Variants in CSMD1 observed in about 807,000 individuals in gnomAD.
CSMD1 encodes CUB and Sushi multiple domains 1.
A neutral mutation model predicts 417.5 loss-of-function variants in CSMD1; 213 were observed. That is an observed-to-expected ratio of 0.51 (90% CI 0.46 to 0.57). The LOEUF (loss-of-function observed/expected upper bound fraction) is 0.57, where lower values mean the gene tolerates loss of function less well. Ranked by LOEUF, CSMD1 falls within the 20% of genes least tolerant of loss-of-function variation. The pLI is 0.00. For missense variants in CSMD1, 6,923 were observed against 4,529.7 expected, an observed-to-expected ratio of 1.53 and a Z score of -15.17; for synonymous variants, 2,862 against 1,736.8, an observed-to-expected ratio of 1.65 and a Z score of -16.11.
chr8:3,955,470 T>C (rs1811879625), intron 5 of CSMD1, among the ~76,000 whole-genome samples: 1 of 152,198 alleles, frequency 6.6e-6, no homozygotes, highest in African/African-American at 2.4e-5. Context: ...AGTAGAATTT[T>C]GTACTGATAT....
intron 25 of CSMD1, among the ~76,000 whole-genome samples, chr8:3,297,750 A>G (rs1220249426): frequency 6.6e-6 from 1 of 152,306 alleles, no homozygotes; most frequent in African/African-American, 2.4e-5. Flanking sequence ...GGGAGGAGCT[A>G]GCAATCTGGA....
chr8:3,797,927 G>C (rs1046853930), intron 5 of CSMD1, among the ~76,000 whole-genome samples: 8 of 151,992 alleles, frequency 5.3e-5, no homozygotes, highest in Non-Finnish European at 7.4e-5. Context: ...ATATTGTCAA[G>C]TTTTGTAATT....
intron 3 of CSMD1, among the ~76,000 whole-genome samples, chr8:4,107,717 C>G (rs1008948599): frequency 1.3e-5 from 2 of 152,122 alleles, no homozygotes; most frequent in African/African-American, 4.8e-5. Flanking sequence ...CACGCTCCAT[C>G]AGATGCTGTG....
intron 1 of CSMD1, among the ~76,000 whole-genome samples, chr8:4,726,509 G>A (rs904208851): frequency 2.0e-5 from 3 of 152,006 alleles, no homozygotes; most frequent in Admixed American, 6.6e-5. Flanking sequence ...GACCTCAATG[G>A]ACAGGGCTTT....
chr8:3,766,651 A>G (rs1798287082), intron 5 of CSMD1, among the ~76,000 whole-genome samples: 1 of 152,150 alleles, frequency 6.6e-6, no homozygotes, highest in Non-Finnish European at 1.5e-5. Context: ...ATACTCAAAG[A>G]CTGATAATAA....
intron 5 of CSMD1, among the ~76,000 whole-genome samples, chr8:3,840,643 G>C (rs528913001): frequency 1.2e-4 from 18 of 151,372 alleles, no homozygotes; most frequent in South Asian, 2.1e-4. Context: ...GCACTTGCTA[G>C]TGTATAGGAT....
intron 41 of CSMD1, among the ~76,000 whole-genome samples, chr8:3,129,153 C>A (rs1447226134): frequency 1.3e-5 from 2 of 152,102 alleles, no homozygotes; most frequent in African/African-American, 4.8e-5. Flanking sequence ...GGGTTCTCTC[C>A]TACGTGGGAA....
intron 3 of CSMD1, among the ~76,000 whole-genome samples, chr8:4,040,085 T>C (rs1374243437): frequency 2.0e-5 from 3 of 152,222 alleles, no homozygotes; most frequent in Admixed American, 6.5e-5. Context: ...ATTTTCAAAG[T>C]ATACAGAGAT....
chr8:4,215,779 G>C (rs1013691786), intron 3 of CSMD1, among the ~76,000 whole-genome samples: 1 of 151,896 alleles, frequency 6.6e-6, no homozygotes, highest in Non-Finnish European at 1.5e-5. Flanking sequence ...TGTTTTCTTG[G>C]TGGAATATCT....
chr8:3,561,965 A>G (rs1255111893), intron 10 of CSMD1, among the ~76,000 whole-genome samples: 2 of 152,160 alleles, frequency 1.3e-5, no homozygotes, highest in East Asian at 1.9e-4. Flanking sequence ...GCCTGTGTGC[A>G]CTGCAGGGCT....
At chr8:3,706,629 C>G (rs1345381346) in intron 7 of CSMD1, among the ~76,000 whole-genome samples, 1 of 152,192 alleles carries the variant, frequency 6.6e-6, no homozygotes, top group Non-Finnish European at 1.5e-5. Flanking sequence ...CTGCCTCAAT[C>G]TTACAGTAGC....
intron 5 of CSMD1, among the ~76,000 whole-genome samples, chr8:3,912,835 T>C (rs370205227): frequency 5.3e-5 from 8 of 152,174 alleles, no homozygotes; most frequent in African/African-American, 1.9e-4. Flanking sequence ...TTAAATTATA[T>C]TCTGTTGAGA....
intron 12 of CSMD1, among the ~76,000 whole-genome samples, chr8:3,459,972 C>T (rs1043334151): frequency 6.6e-6 from 1 of 152,172 alleles, no homozygotes; most frequent in Non-Finnish European, 1.5e-5. Context: ...CTAAGACACT[C>T]ACTCACATTT....
intron 3 of CSMD1, among the ~76,000 whole-genome samples, chr8:4,415,574 G>C (rs1415716596): frequency 6.6e-6 from 1 of 152,150 alleles, no homozygotes; most frequent in Admixed American, 6.5e-5. Context: ...AATTACACCA[G>C]TGTTCTGTTT....
intron 12 of CSMD1, among the ~76,000 whole-genome samples, chr8:3,431,757 C>G (rs1403131872): frequency 1.3e-5 from 2 of 152,150 alleles, no homozygotes; most frequent in Non-Finnish European, 2.9e-5. Flanking sequence ...ACAACGATAA[C>G]TTGTTCAATG....
chr8:3,029,328 T>G lies in CSMD1; in HGVS notation c.7846A>C (p.Ser2616Arg). The G allele has an allele frequency of 6.2e-7, 1 of 1,606,300 alleles. No individual in the cohort carries two copies. Among genetic ancestry groups the G allele is most frequent in the South Asian group, 1.1e-5 (1 of 90,216 alleles). Residue 2616 changes from serine to arginine, a missense_variant, in exon 51 of 70, where the codon AGC becomes CGC. Ser to Arg is a moderately radical substitution (Grantham distance 110). Coordinates refer to ENST00000635120, the MANE Select transcript of CSMD1 (RefSeq NM_033225.6). The stretch of plus-strand genomic sequence containing the variant: ...CTCCCTCATCACTTACCTCGACAGC[T>G]TGGCCTCTCATCTCCTATGTTCCAC... ...GTWNIGDERP[S>R]CRVISCGSLS...
intron 1 of CSMD1, among the ~76,000 whole-genome samples, chr8:4,907,407 T>G (rs1805360794): frequency 6.6e-6 from 1 of 152,218 alleles, no homozygotes; most frequent in South Asian, 2.1e-4. Flanking sequence ...TATGAATTAC[T>G]GCAAATAGGA....
intron 2 of CSMD1, among the ~76,000 whole-genome samples, chr8:4,446,743 GTGTGTGTGTGT>G (rs1563183203): frequency 6.0e-5 from 7 of 117,292 alleles, no homozygotes; most frequent in African/African-American, 1.1e-4. Context: ...CTGTGTGTGT[GTGTGTGTGTGT>G]CTGTGTGTGT....
chr8:3,287,611 A>G (rs1400390310), intron 25 of CSMD1, among the ~76,000 whole-genome samples: 1 of 152,008 alleles, frequency 6.6e-6, no homozygotes, highest in Non-Finnish European at 1.5e-5. Context: ...TTTGTCTGTT[A>G]TTGGCATATG....
Sources: gnomAD v4.1 joint callset for allele counts (sites outside exome capture counted in the v4.1 genomes callset) on GRCh38, gnomAD v4.1.1 for gene constraint, MANE v1.5 for transcripts, NCBI Gene and HGNC (gene_info 2026-07-23, HGNC 2026-07-21) for gene names.